LRIG1: variants seen among roughly 807,000 people sequenced by gnomAD.
LRIG1 encodes the protein leucine rich repeats and immunoglobulin like domains 1, also known as leucine-rich repeats and immunoglobulin-like domains protein 1.
LRIG1 carries 48 observed loss-of-function variants against 99.2 expected under a neutral mutation model. The observed-to-expected ratio is 0.48, with a 90% CI of 0.38 to 0.62. The LOEUF (loss-of-function observed/expected upper bound fraction) is 0.62. LRIG1 is among the 20% of genes least tolerant of loss of function. The pLI is 0.00. For synonymous variants in LRIG1, 772 were observed against 596.1 expected (o/e 1.29, Z -4.30); for missense variants, 1,646 against 1,434.4 (o/e 1.15, Z -2.38).
chr3:66,455,405 A>C (rs1263073738), intron 2 of LRIG1, among the ~76,000 whole-genome samples: 1 of 152,206 alleles, frequency 6.6e-6, no homozygotes, highest in Non-Finnish European at 1.5e-5. Flanking sequence ...TGGCTACTAG[A>C]GATGTGTATG....
chr3:66,390,513 CTT>C (rs1408344063), intron 12 of LRIG1, among the ~76,000 whole-genome samples: 4 of 152,128 alleles, frequency 2.6e-5, no homozygotes, highest in Non-Finnish European at 5.9e-5. Context: ...ATTGGGAAGA[CTT>C]AATACTGTTA....
At chr3:66,484,890 C>A (rs544113606) in intron 1 of LRIG1, among the ~76,000 whole-genome samples, 23 of 152,240 alleles carry the variant, frequency 1.5e-4, no homozygotes, top group Non-Finnish European at 3.2e-4. Flanking sequence ...CATGGTGGCT[C>A]ACACCTGTAA....
chr3:66,420,812 A>T (rs544306805), intron 3 of LRIG1, among the ~76,000 whole-genome samples: 43 of 152,332 alleles, frequency 2.8e-4, no homozygotes, highest in African/African-American at 9.6e-4. Context: ...TCTGTTGTTT[A>T]ACGGTGTATT....
chr3:66,427,409 C>T (rs1252639242), intron 3 of LRIG1, among the ~76,000 whole-genome samples: 1 of 152,240 alleles, frequency 6.6e-6, no homozygotes, highest in Non-Finnish European at 1.5e-5. Flanking sequence ...GGCACACCAG[C>T]CCTGATGCCT....
At chr3:66,420,296 A>AC (rs1460515001) in intron 3 of LRIG1, among the ~76,000 whole-genome samples, 7 of 152,210 alleles carry the variant, frequency 4.6e-5, no homozygotes, top group Non-Finnish European at 1.0e-4. Flanking sequence ...ACAAAACAAA[A>AC]AAACAAACAG....
At chr3:66,447,632 T>C (rs1461570670) in intron 3 of LRIG1, among the ~76,000 whole-genome samples, 1 of 152,130 alleles carries the variant, frequency 6.6e-6, no homozygotes, top group Non-Finnish European at 1.5e-5. Flanking sequence ...AGTTGTTAGG[T>C]AGACAAGGCC....
chr3:66,500,520 G>GC lies in LRIG1; in HGVS notation c.-114dup. ...GCTCGGCTCTAGACTCCGCACCGGG[G>GC]CATGGCCCCCGCCCCAAGTTCTCTC... On this transcript the variant is annotated 5_prime_UTR_variant, in exon 1 of 19. The change abolishes the stop of an existing upstream ORF in the 5' untranslated region. Coordinates refer to ENST00000273261, the MANE Select transcript of LRIG1 (RefSeq NM_015541.3). 2.0e-6 allele frequency: 1 copy of GC among 504,010 alleles called. No homozygotes were observed. The highest frequency in any genetic ancestry group is 3.1e-6 in the Non-Finnish European group (1 of 320,278). The allele number at this position is 504,010 out of a possible 1,614,324, so 31.2% of individuals were successfully genotyped here.
intron 3 of LRIG1, among the ~76,000 whole-genome samples, chr3:66,448,314 C>T (rs914614630): frequency 2.0e-5 from 3 of 152,106 alleles, no homozygotes; most frequent in Non-Finnish European, 4.4e-5. Context: ...GTCTGGAAGT[C>T]GGCTCAATTC....
At chr3:66,419,545 T>C (rs565075503) in intron 3 of LRIG1, among the ~76,000 whole-genome samples, 2 of 152,084 alleles carry the variant, frequency 1.3e-5, no homozygotes, top group Admixed American at 1.3e-4. Flanking sequence ...GGTAGGATGC[T>C]GAGGCCAGGA....
At chr3:66,434,531 G>A (rs1367058700) in intron 3 of LRIG1, among the ~76,000 whole-genome samples, 1 of 152,100 alleles carries the variant, frequency 6.6e-6, no homozygotes, top group East Asian at 1.9e-4. Flanking sequence ...TGGATCATTT[G>A]AGGTCAGGAG....
chr3:66,413,068 C>A (rs1040656009), intron 5 of LRIG1, 54 bp from the exon 6 acceptor site: 5 of 1,600,160 alleles, frequency 3.1e-6, no homozygotes, highest in Admixed American at 1.7e-5. Flanking sequence ...ATCCCACCCA[C>A]AACCATTCTG....
chr3:66,409,728 G>A (rs1162888566), intron 7 of LRIG1: 1 of 160,020 alleles, frequency 6.2e-6, no homozygotes, highest in Non-Finnish European at 1.4e-5. Context: ...CACTGAAGAA[G>A]CACATGCTAT....
intron 3 of LRIG1, 27 bp downstream of exon 3, chr3:66,451,532 C>A (rs1196982037): frequency 1.2e-6 from 2 of 1,611,194 alleles, no homozygotes; most frequent in Admixed American, 3.3e-5. Context: ...CCACACAGCC[C>A]AGAGTCCCCC....
chr3:66,407,987 T>A (rs1218002096), intron 7 of LRIG1, among the ~76,000 whole-genome samples: 1 of 152,194 alleles, frequency 6.6e-6, no homozygotes, highest in African/African-American at 2.4e-5. Context: ...CTGTGCCTCA[T>A]GCCTTAGTGG....
At chr3:66,458,809 G>A (rs1471912303) in intron 2 of LRIG1, among the ~76,000 whole-genome samples, 2 of 152,164 alleles carry the variant, frequency 1.3e-5, no homozygotes, top group Admixed American at 1.3e-4. Flanking sequence ...CTAATGTCAG[G>A]AGTTCAAGAT....
chr3:66,484,600 A>G (rs1050798969), intron 1 of LRIG1, among the ~76,000 whole-genome samples: 1 of 152,160 alleles, frequency 6.6e-6, no homozygotes, highest in African/African-American at 2.4e-5. Context: ...GACATGGGAC[A>G]TGGTGGTATT....
intron 1 of LRIG1, chr3:66,498,348 C>CAGT (rs1701274735): frequency 6.6e-6 from 1 of 152,022 alleles, no homozygotes; most frequent in South Asian, 2.1e-4. Flanking sequence ...AAGAAATAAC[C>CAGT]AGTATGTTTT....
intron 9 of LRIG1, chr3:66,404,214 A>G: frequency 1.6e-6 from 2 of 1,281,716 alleles, no homozygotes; most frequent in East Asian, 5.6e-5. Flanking sequence ...AGCATCTACT[A>G]TATAAAAAGA....
rs1702098350 is a variant in LRIG1 at position 66,402,526 on chromosome 3, C to T, written c.1160+2672G>A. ...ACTCACATCTCCCTTTCTTGGAAAA[C>T]ATTTTAATTTAGGTCTGACCTCTTG... On this transcript the variant is annotated intron_variant, in intron 9 of 18. Coordinates refer to ENST00000273261, the MANE Select transcript of LRIG1 (RefSeq NM_015541.3). Among the ~76,000 whole-genome samples the T allele has an allele frequency of 2.0e-5, 3 of 152,162 alleles. No individual in the cohort carries two copies. In the South Asian group the frequency reaches 6.2e-4, roughly 32 times the overall value.
Sources: gnomAD v4.1 joint callset for allele counts (sites outside exome capture counted in the v4.1 genomes callset) on GRCh38, gnomAD v4.1.1 for gene constraint, MANE v1.5 for transcripts, NCBI Gene and HGNC (gene_info 2026-07-23, HGNC 2026-07-21) for gene names.